Variants in MMP16 observed in about 807,000 individuals in gnomAD.
MMP16 encodes matrix metalloproteinase-16.
MMP16 carries 12 observed loss-of-function variants against 67.8 expected under a neutral mutation model. That is an observed-to-expected ratio of 0.18 (90% CI 0.11 to 0.29). MMP16 has a LOEUF of 0.29. Ranked by LOEUF, MMP16 falls within the 10% of genes least tolerant of loss-of-function variation. The pLI is 1.00. For missense variants in MMP16, 475 were observed against 765.7 expected, an observed-to-expected ratio of 0.62 and a Z score of 4.48; for synonymous variants, 249 against 255.9, an observed-to-expected ratio of 0.97 and a Z score of 0.26.
rs145550238 is a variant in MMP16 at position 88,241,963 on chromosome 8, G to T, written c.133-44657C>A. Among the ~76,000 whole-genome samples, 398 of 152,176 alleles carry T rather than the reference G, an allele frequency of 2.6e-3. 2 individuals carry two copies. Among genetic ancestry groups the T allele is most frequent in the African/African-American group, 9.0e-3 (373 of 41,536 alleles). ...GGCAATATGATTTACATAATTATAG[G>T]TATCTTAAATACCATATTTTTGAAT... On this transcript the variant is annotated intron_variant, in intron 1 of 9. Coordinates refer to ENST00000286614, the MANE Select transcript of MMP16 (RefSeq NM_005941.5).
intron 1 of MMP16, among the ~76,000 whole-genome samples, chr8:88,295,535 C>G (rs1353019697): frequency 2.0e-5 from 3 of 152,154 alleles, no homozygotes; most frequent in Non-Finnish European, 4.4e-5. Flanking sequence ...GAACTTTATA[C>G]TACAGAGGCT....
At chr8:88,068,099 G>A (rs903687627) in intron 7 of MMP16, among the ~76,000 whole-genome samples, 1 of 152,042 alleles carries the variant, frequency 6.6e-6, no homozygotes, top group Non-Finnish European at 1.5e-5. Flanking sequence ...TTATGTGTTA[G>A]CCATTCTATC....
chr8:88,306,824 T>C (rs1407267163), intron 1 of MMP16, among the ~76,000 whole-genome samples: 2 of 152,166 alleles, frequency 1.3e-5, no homozygotes, highest in Non-Finnish European at 2.9e-5. Flanking sequence ...GCCAGTATCA[T>C]ACTAAATGGG....
At chr8:88,240,855 T>C (rs1810022479) in intron 1 of MMP16, among the ~76,000 whole-genome samples, 1 of 152,204 alleles carries the variant, frequency 6.6e-6, no homozygotes, top group African/African-American at 2.4e-5. Flanking sequence ...CTTGTCTTTA[T>C]TAGCCTTTCA....
chr8:88,047,939 C>A (rs894459673), intron 8 of MMP16, among the ~76,000 whole-genome samples: 2 of 152,020 alleles, frequency 1.3e-5, no homozygotes, highest in Admixed American at 6.6e-5. Flanking sequence ...GATGATAAAT[C>A]AAGGCATTTG....
chr8:88,196,455 T>C lies in MMP16; in HGVS notation c.281+703A>G, dbSNP rs538913365. ...GAATTAAGCTCCTTTGATGAAGAGA[T>C]TATGCCTTCTGAATCTGTACATGCT... On this transcript the variant is annotated intron_variant, in intron 2 of 9. Coordinates refer to ENST00000286614, the MANE Select transcript of MMP16 (RefSeq NM_005941.5). Among the ~76,000 whole-genome samples the C allele has an allele frequency of 6.6e-5, 10 of 152,268 alleles. No homozygotes were observed. In the South Asian group the frequency reaches 1.7e-3, roughly 25 times the overall value.
intron 4 of MMP16, among the ~76,000 whole-genome samples, chr8:88,155,291 A>C (rs1490744554): frequency 3.3e-5 from 5 of 152,096 alleles, no homozygotes; most frequent in African/African-American, 7.2e-5. Context: ...ATATATACAA[A>C]ATATTATGTC....
At chr8:88,256,990 C>T (rs1353001004) in intron 1 of MMP16, among the ~76,000 whole-genome samples, 2 of 152,084 alleles carry the variant, frequency 1.3e-5, no homozygotes, top group Non-Finnish European at 2.9e-5. Context: ...AAGCATGACC[C>T]CTGCTCTCCA....
chr8:88,053,210 ACT>A (rs1218154852), intron 8 of MMP16, among the ~76,000 whole-genome samples: 2 of 152,088 alleles, frequency 1.3e-5, no homozygotes, highest in African/African-American at 2.4e-5. Context: ...AGGGAAGGGT[ACT>A]CTTGGGCTGT....
chr8:88,124,649 G>A (rs955139263), intron 4 of MMP16, among the ~76,000 whole-genome samples: 9 of 152,070 alleles, frequency 5.9e-5, no homozygotes, highest in Admixed American at 4.6e-4. Context: ...TGTAATAACA[G>A]TATTTCTTTT....
rs1367664047 is a variant in MMP16, at chr8:88,041,553, G to A, written c.1732C>T (p.Leu578Phe). 1.9e-6 allele frequency: 3 copies of A among 1,613,976 alleles called. No homozygotes were observed. The highest frequency in any genetic ancestry group is 1.3e-5 in the African/African-American group (1 of 74,926). ...VIPCILALCLLVLVYTVFQFK... is the reference protein window; with the variant it reads ...VIPCILALCLFVLVYTVFQFK... ...TGGAACACAGTGTAAACCAATACAA[G>A]GAGGCATAAGGCCAAGATGCAGGGA... Residue 578 changes from leucine (L) to phenylalanine (F), a missense_variant, in exon 10 of 10, where the codon CTT (leucine) becomes TTT (phenylalanine). This residue lies in a region of MMP16 where 80 missense variants were observed against 93.4 expected (regional missense o/e 0.86). Coordinates refer to ENST00000286614, the MANE Select transcript of MMP16 (RefSeq NM_005941.5). This position sits in a 1 kb window ranked among gnomAD's most constrained non-coding sequence, Gnocchi z 6.0.
chr8:88,052,486 C>T (rs571411590), intron 8 of MMP16, among the ~76,000 whole-genome samples: 5 of 152,300 alleles, frequency 3.3e-5, no homozygotes, highest in East Asian at 3.9e-4. Flanking sequence ...TTACCCTCCA[C>T]GCCTCCACTC....
At chr8:88,231,179 T>C (rs1809854013) in intron 1 of MMP16, among the ~76,000 whole-genome samples, 1 of 152,150 alleles carries the variant, frequency 6.6e-6, no homozygotes, top group Non-Finnish European at 1.5e-5. Context: ...TCTATGATGG[T>C]TTTGAGAAAA....
intron 4 of MMP16, among the ~76,000 whole-genome samples, chr8:88,162,613 G>A (rs759464065): frequency 6.6e-6 from 1 of 151,988 alleles, no homozygotes; most frequent in Non-Finnish European, 1.5e-5. Context: ...AGGCATCTTC[G>A]TAAATATCCA....
intron 2 of MMP16, among the ~76,000 whole-genome samples, chr8:88,194,085 T>A (rs1586198802): frequency 6.6e-6 from 1 of 152,018 alleles, no homozygotes; most frequent in African/African-American, 2.4e-5. Context: ...CAATATTATA[T>A]GACATTTAAG....
intron 1 of MMP16, among the ~76,000 whole-genome samples, chr8:88,311,741 G>A (rs188198175): frequency 5.9e-5 from 9 of 152,184 alleles, no homozygotes; most frequent in African/African-American, 1.2e-4. Flanking sequence ...CATCTTTAAT[G>A]TGAGAACCAC....
intron 4 of MMP16, among the ~76,000 whole-genome samples, chr8:88,131,550 T>C (rs1808030546): frequency 6.6e-6 from 1 of 151,860 alleles, no homozygotes; most frequent in African/African-American, 2.4e-5. Flanking sequence ...TGTGCTCTGC[T>C]AGACAACATC....
intron 4 of MMP16, among the ~76,000 whole-genome samples, chr8:88,157,948 T>A (rs1006199233): frequency 2.6e-5 from 4 of 151,944 alleles, no homozygotes; most frequent in African/African-American, 9.7e-5. Flanking sequence ...TGCAATAGTT[T>A]GCTGAGAAGG....
intron 4 of MMP16, among the ~76,000 whole-genome samples, chr8:88,124,706 G>T (rs1807897150): frequency 6.6e-6 from 1 of 151,948 alleles, no homozygotes; most frequent in Admixed American, 6.6e-5. Flanking sequence ...CTTAGGAAGT[G>T]TTTTAGTCTG....
Sources: allele counts gnomAD v4.1 joint callset (sites outside exome capture counted in the v4.1 genomes callset), GRCh38; gene constraint gnomAD v4.1.1; regional missense constraint gnomAD v4.1.1; non-coding constraint Gnocchi (gnomAD v3.1); transcripts MANE v1.5; gene names NCBI Gene and HGNC (gene_info 2026-07-23, HGNC 2026-07-21).